The following NHSL1 variants were observed in gnomAD, a reference collection of about 807,000 sequenced individuals.
NHSL1 encodes the protein NHS like 1.
In NHSL1, 48 loss-of-function variants were observed where a neutral mutation model predicts 95.0. The ratio of observed to expected loss-of-function variants is 0.51; its 90% CI spans 0.40 to 0.64. NHSL1 has a LOEUF of 0.64. Ranked by LOEUF, NHSL1 falls within the 30% of genes least tolerant of loss-of-function variation. NHSL1 has a pLI of 0.00. For synonymous variants in NHSL1, 783 were observed against 833.9 expected (o/e 0.94, Z 1.05); for missense variants, 1,971 against 2,077.7 (o/e 0.95, Z 1.00).
Position 138,433,318 on chromosome 6 carries a change from C to A in NHSL1, c.1027G>T (p.Ala343Ser), listed in dbSNP as rs1039979135. 1 of 1,551,484 alleles carries A rather than the reference C, an allele frequency of 6.4e-7. No homozygotes were observed. The highest frequency in any genetic ancestry group is 2.4e-5 in the East Asian group (1 of 40,902). ...NIQSLEPRLG[A>S]LGPAGDMNGT... is the part of the protein sequence containing the mutation. ...TTCATGTCTCCTGCAGGGCCGAGGGCACCCAGCCTCGGCTCAAGGGACTGA... is the reference window on the plus strand; with the variant it reads ...TTCATGTCTCCTGCAGGGCCGAGGGAACCCAGCCTCGGCTCAAGGGACTGA... Residue 343 changes from alanine to serine, a missense_variant, in exon 6 of 8, where the codon GCC (alanine) becomes TCC (serine). Physicochemically the swap from Ala to Ser is moderately conservative, Grantham distance 99. Coordinates refer to ENST00000343505, the MANE Select transcript of NHSL1 (RefSeq NM_001144060.2).
At chr6:138,456,319 G>A (rs1014158704) in intron 3 of NHSL1, among the ~76,000 whole-genome samples, 6 of 152,146 alleles carry the variant, frequency 3.9e-5, no homozygotes, top group South Asian at 2.1e-4. Flanking sequence ...CCAAACCTAC[G>A]CTCTCAAGCA....
chr6:138,676,285 T>C (rs1243255749), intron 1 of NHSL1, among the ~76,000 whole-genome samples: 1 of 152,126 alleles, frequency 6.6e-6, no homozygotes, highest in Non-Finnish European at 1.5e-5. Context: ...CCATCAGCTA[T>C]GGAGAAAACT....
chr6:138,640,186 C>T (rs1233613741), intron 1 of NHSL1, among the ~76,000 whole-genome samples: 3 of 152,158 alleles, frequency 2.0e-5, no homozygotes, highest in Non-Finnish European at 4.4e-5. Flanking sequence ...ATCTAGTCTG[C>T]ACCCTCTATT....
At chr6:138,665,741 T>C (rs890981871) in intron 1 of NHSL1, among the ~76,000 whole-genome samples, 2 of 152,214 alleles carry the variant, frequency 1.3e-5, no homozygotes, top group Non-Finnish European at 2.9e-5. Context: ...CTCAGTTTTC[T>C]ATTGCATCCT....
intron 1 of NHSL1, among the ~76,000 whole-genome samples, chr6:138,604,140 T>C (rs1172673558): frequency 6.6e-6 from 1 of 152,206 alleles, no homozygotes; most frequent in Non-Finnish European, 1.5e-5. Context: ...TAAGTAGCTC[T>C]AAATATTTTT....
At chr6:138,544,915 C>T (rs764694083) in intron 1 of NHSL1, among the ~76,000 whole-genome samples, 1 of 151,564 alleles carries the variant, frequency 6.6e-6, no homozygotes, top group Non-Finnish European at 1.5e-5. Flanking sequence ...ATATAATCAC[C>T]ATCTTATAGT....
At position 138,427,297 on chromosome 6, in the gene NHSL1, G is replaced by A. The variant is rs567461421; in HGVS notation, c.4085+2414C>T. ...TGTACTACAAATACGAAAATTAGCCGGGCATGGTGGCACACGCCTATAATC... is the reference window on the plus strand; with the variant it reads ...TGTACTACAAATACGAAAATTAGCCAGGCATGGTGGCACACGCCTATAATC... On this transcript the variant is annotated intron_variant, in intron 7 of 7. Coordinates refer to ENST00000343505, the MANE Select transcript of NHSL1 (RefSeq NM_001144060.2). Among the ~76,000 whole-genome samples, 10 of 152,218 alleles carry A rather than the reference G, an allele frequency of 6.6e-5. No homozygotes were observed. In the East Asian group the frequency reaches 1.4e-3, roughly 21 times the overall value.
At position 138,423,249 on chromosome 6, in the gene NHSL1, CCTCT is replaced by C. The variant is rs573236108; in HGVS notation, c.*828_*831del. 3.9e-5 allele frequency: 6 copies of C among 152,132 alleles called. No homozygotes were observed. Among genetic ancestry groups the C allele is most frequent in the Non-Finnish European group, 7.3e-5 (5 of 68,032 alleles). The allele number at this position is 152,132 out of a possible 1,614,324, so 9.4% of individuals were successfully genotyped here. On this transcript the variant is annotated 3_prime_UTR_variant, in exon 8 of 8. Coordinates refer to ENST00000343505, the MANE Select transcript of NHSL1 (RefSeq NM_001144060.2). ...TCACTTACTCCTTTCCAACCCTTCC[CCTCT>C]CTCTATGTCCACACCATCACTTCAG...
intron 1 of NHSL1, among the ~76,000 whole-genome samples, chr6:138,655,657 ATTAAGT>A (rs1185105001): frequency 1.2e-4 from 18 of 152,238 alleles, no homozygotes; most frequent in African/African-American, 3.6e-4. Flanking sequence ...TACAATGAGT[ATTAAGT>A]TTATTTTCAT....
chr6:138,598,454 T>C (rs1002391665), intron 1 of NHSL1, among the ~76,000 whole-genome samples: 2 of 119,742 alleles, frequency 1.7e-5, no homozygotes, highest in Admixed American at 1.8e-4. Context: ...CAAGACTCCA[T>C]CTTGGAAAAA....
At chr6:138,566,087 T>A (rs1045637597) in intron 1 of NHSL1, among the ~76,000 whole-genome samples, 5 of 152,052 alleles carry the variant, frequency 3.3e-5, no homozygotes, top group Non-Finnish European at 7.4e-5. Context: ...ACATGCAGGA[T>A]CTTTTAAAAT....
rs145744616 is a variant in NHSL1, at chr6:138,511,068, C to T, written c.17-14697G>A. ...TCTGAGAAAAAAATCAACCAGGAAG[C>T]GAAACGATAATGCTAATTCTAGGTA... On this transcript the variant is annotated intron_variant, in intron 1 of 4. Transcript: ENST00000342260. Among the ~76,000 whole-genome samples the T allele has an allele frequency of 6.6e-3, 1,010 of 152,140 alleles. 9 individuals are homozygous for T. The highest frequency in any genetic ancestry group is 0.023 in the African/African-American group (945 of 41,500).
chr6:138,471,157 C>T (rs1300502470), intron 3 of NHSL1, among the ~76,000 whole-genome samples: 3 of 152,094 alleles, frequency 2.0e-5, no homozygotes, highest in Admixed American at 2.0e-4. Context: ...CAGAGGCTAA[C>T]TTCCCTCAGA....
intron 1 of NHSL1, among the ~76,000 whole-genome samples, chr6:138,539,633 AG>A (rs1186652430): frequency 1.3e-5 from 2 of 152,258 alleles, no homozygotes; most frequent in African/African-American, 4.8e-5. Context: ...AAACCAGAAT[AG>A]GTAGAAATGG....
At chr6:138,552,749 T>C (rs1044367249) in intron 1 of NHSL1, among the ~76,000 whole-genome samples, 3 of 152,230 alleles carry the variant, frequency 2.0e-5, no homozygotes, top group Admixed American at 2.0e-4. Context: ...TGCCCTTAGC[T>C]GTGGCAAGCT....
At chr6:138,674,862 A>G (rs192231751) in intron 1 of NHSL1, among the ~76,000 whole-genome samples, 58 of 152,226 alleles carry the variant, frequency 3.8e-4, no homozygotes, top group Non-Finnish European at 5.6e-4. Context: ...GTAAAGACTG[A>G]TAAAACTTCT....
Position 138,432,845 on chromosome 6 carries a change from G to A in NHSL1, c.1500C>T (p.Ala500=), listed in dbSNP as rs1018455026. ...EPALLSLCDS[A]VPLNAPANRE... ...TATTTGCTGGAGCATTTAGAGGGAC[G>A]GCTGAGTCACAGAGGGACAACAGTG... is the stretch of plus-strand genomic sequence containing the variant. The change falls in exon 6 of 8, where the codon GCC becomes GCT. Residue 500 remains alanine, a synonymous_variant. Coordinates refer to ENST00000343505, the MANE Select transcript of NHSL1 (RefSeq NM_001144060.2). This position sits in a 1 kb window ranked among gnomAD's most constrained non-coding sequence, Gnocchi z 4.4. 19 of 1,551,248 alleles carry A rather than the reference G, an allele frequency of 1.2e-5. No individual in the cohort carries two copies. The highest frequency in any genetic ancestry group is 9.8e-5 in the East Asian group (4 of 40,918).
At chr6:138,610,712 C>A (rs1234993794) in intron 1 of NHSL1, among the ~76,000 whole-genome samples, 10 of 151,924 alleles carry the variant, frequency 6.6e-5, no homozygotes, top group African/African-American at 2.4e-4. Flanking sequence ...GGCAATTGTC[C>A]ACACTTACTC....
At chr6:138,571,031 G>A (rs1410639625) in intron 1 of NHSL1, among the ~76,000 whole-genome samples, 1 of 152,134 alleles carries the variant, frequency 6.6e-6, no homozygotes, top group Non-Finnish European at 1.5e-5. Flanking sequence ...CTCCCAGCAG[G>A]ACTGGTATTT....
Sources: gnomAD v4.1 joint callset for allele counts (sites outside exome capture counted in the v4.1 genomes callset) on GRCh38, gnomAD v4.1.1 for gene constraint, Gnocchi (gnomAD v3.1) non-coding constraint, MANE v1.5 for transcripts, NCBI Gene and HGNC (gene_info 2026-07-23, HGNC 2026-07-21) for gene names.